Variants in EIPR1 observed in about 807,000 individuals in gnomAD.
EIPR1 encodes EARP complex and GARP complex interacting protein 1.
A neutral mutation model predicts 48.1 loss-of-function variants in EIPR1; 25 were observed. The observed-to-expected ratio is 0.52, with a 90% confidence interval of 0.38 to 0.73. The LOEUF (loss-of-function observed/expected upper bound fraction) is 0.73, where lower values mean the gene tolerates loss of function less well. Among genes scored for constraint, EIPR1 ranks in the 30% least tolerant of loss-of-function variants. The pLI, the probability that EIPR1 is intolerant of heterozygous loss-of-function variation, is 0.00. For missense variants in EIPR1, 415 were observed against 506.2 expected (o/e 0.82, Z 1.73); for synonymous variants, 204 against 201.9 (o/e 1.01, Z -0.09).
At chr2:3,287,272 CACCACACTCCAGAAAGCTCGT>C (rs764768167) in intron 3 of EIPR1, among the ~76,000 whole-genome samples, 8,570 of 146,212 alleles carry the variant, frequency 0.059, 280 homozygotes, top group Non-Finnish European at 0.064. Flanking sequence ...AAAGCTCATT[CACCACACTCCAGAAAGCTCGT>C]TCACCACACT....
chr2:3,258,542 C>T (rs1251309708), intron 3 of EIPR1, among the ~76,000 whole-genome samples: 1 of 152,138 alleles, frequency 6.6e-6, no homozygotes, highest in African/African-American at 2.4e-5. Context: ...AGGAAAACAG[C>T]ATGGCATTAC....
At chr2:3,317,184 G>A (rs1256793170) in intron 3 of EIPR1, among the ~76,000 whole-genome samples, 2 of 150,790 alleles carry the variant, frequency 1.3e-5, no homozygotes, top group Non-Finnish European at 3.0e-5. Flanking sequence ...CCTACTGTGT[G>A]CCTTGCACAT....
chr2:3,282,231 G>C (rs540797091), intron 3 of EIPR1, among the ~76,000 whole-genome samples: 109 of 152,304 alleles, frequency 7.2e-4, no homozygotes, highest in African/African-American at 2.5e-3. Flanking sequence ...ACCGTCAGGT[G>C]GGGGCACTGC....
chr2:3,284,071 G>A (rs568750954), intron 3 of EIPR1, among the ~76,000 whole-genome samples: 4 of 152,396 alleles, frequency 2.6e-5, no homozygotes, highest in East Asian at 1.9e-4. Context: ...GGAAGCAGAC[G>A]TGCAAATGGG....
chr2:3,193,443 G>A (rs927857326), intron 7 of EIPR1, among the ~76,000 whole-genome samples: 8 of 152,298 alleles, frequency 5.3e-5, no homozygotes, highest in South Asian at 2.1e-4. Flanking sequence ...GTGCACACAC[G>A]TTTTATTTGC....
chr2:3,304,048 G>A (rs1051413026), intron 3 of EIPR1, among the ~76,000 whole-genome samples: 4 of 152,220 alleles, frequency 2.6e-5, no homozygotes, highest in Non-Finnish European at 5.9e-5. Flanking sequence ...GTGATTTGCT[G>A]ACTCTGATGT....
At chr2:3,268,766 G>T (rs756258839) in intron 3 of EIPR1, among the ~76,000 whole-genome samples, 1 of 152,190 alleles carries the variant, frequency 6.6e-6, no homozygotes, top group Non-Finnish European at 1.5e-5. Flanking sequence ...GAAGTAAGCC[G>T]GCTCCCCTTG....
At chr2:3,193,350 G>A (rs1250282153) in intron 7 of EIPR1, among the ~76,000 whole-genome samples, 1 of 152,190 alleles carries the variant, frequency 6.6e-6, no homozygotes, top group Admixed American at 6.5e-5. Context: ...ACTTGGGGAG[G>A]ATTCCTGATG....
At chr2:3,250,603 T>C (rs2103207237) in intron 4 of EIPR1, among the ~76,000 whole-genome samples, 1 of 152,228 alleles carries the variant, frequency 6.6e-6, no homozygotes, top group South Asian at 2.1e-4. Flanking sequence ...AGAAGCAGAA[T>C]GGTATGGTTT....
At chr2:3,362,808 A>G (rs1670882181) in intron 1 of EIPR1, among the ~76,000 whole-genome samples, 1 of 152,162 alleles carries the variant, frequency 6.6e-6, no homozygotes, top group Non-Finnish European at 1.5e-5. Flanking sequence ...TGGGGGAGCC[A>G]CAGCCCCGCA....
chr2:3,295,035 C>CA (rs1362583582), intron 3 of EIPR1, among the ~76,000 whole-genome samples: 13 of 138,996 alleles, frequency 9.4e-5, no homozygotes, highest in Non-Finnish European at 1.6e-4. Flanking sequence ...TGCACACATA[C>CA]ACCCTCCATC....
At chr2:3,242,490 CAG>C (rs1666667346) in intron 4 of EIPR1, among the ~76,000 whole-genome samples, 8 of 147,258 alleles carry the variant, frequency 5.4e-5, no homozygotes, top group Admixed American at 4.7e-4. Flanking sequence ...GGCTGGAAGA[CAG>C]AGATTTCAGG....
At chr2:3,351,278 T>C (rs945356247) in intron 2 of EIPR1, among the ~76,000 whole-genome samples, 4 of 152,190 alleles carry the variant, frequency 2.6e-5, no homozygotes, top group Non-Finnish European at 5.9e-5. Context: ...TGGGATTACA[T>C]GCGTGAGCGA....
At chr2:3,219,993 C>T (rs543844908) in intron 4 of EIPR1, among the ~76,000 whole-genome samples, 1 of 152,320 alleles carries the variant, frequency 6.6e-6, no homozygotes, top group African/African-American at 2.4e-5. Flanking sequence ...CCTGTCAAAT[C>T]AGGAGGCATT....
intron 3 of EIPR1, among the ~76,000 whole-genome samples, chr2:3,300,470 TA>T (rs1024260960): frequency 3.9e-5 from 6 of 152,118 alleles, no homozygotes; most frequent in African/African-American, 9.7e-5. Context: ...CATTGCTCCC[TA>T]AAAAGCCTGG....
chr2:3,285,185 G>A (rs923737343), intron 3 of EIPR1, among the ~76,000 whole-genome samples: 1 of 152,108 alleles, frequency 6.6e-6, no homozygotes, highest in African/African-American at 2.4e-5. Flanking sequence ...CACACAAACT[G>A]GAGACACCCA....
chr2:3,344,925 A>G (rs1572469035), intron 2 of EIPR1, among the ~76,000 whole-genome samples: 1 of 152,074 alleles, frequency 6.6e-6, no homozygotes, highest in Non-Finnish European at 1.5e-5. Context: ...AGCCCCATAC[A>G]ATAACCAGCA....
chr2:3,344,113 T>G (rs1670332481), intron 2 of EIPR1, among the ~76,000 whole-genome samples: 2 of 152,154 alleles, frequency 1.3e-5, no homozygotes, highest in African/African-American at 4.8e-5. Context: ...GGCACCCGCC[T>G]AGGGAAAGTG....
At chr2:3,343,791 G>A (rs905269628) in intron 2 of EIPR1, among the ~76,000 whole-genome samples, 3 of 152,154 alleles carry the variant, frequency 2.0e-5, no homozygotes, top group African/African-American at 4.8e-5. Flanking sequence ...CTGTGGGGCC[G>A]GGCCACCGAG....
Sources: gnomAD v4.1 joint callset for allele counts (sites outside exome capture counted in the v4.1 genomes callset) on GRCh38, gnomAD v4.1.1 for gene constraint, MANE v1.5 for transcripts, NCBI Gene and HGNC (gene_info 2026-07-23, HGNC 2026-07-21) for gene names.